ELOVL7: variants seen among roughly 807,000 people sequenced by gnomAD.
ELOVL7 encodes the protein very long chain fatty acid elongase 7.
ELOVL7 carries 27 observed loss-of-function variants against 35.7 expected under a neutral mutation model. The ratio of observed to expected loss-of-function variants is 0.76; its 90% CI spans 0.56 to 1.04. ELOVL7 has a LOEUF of 1.04. ELOVL7 is among the 50% of genes least tolerant of loss of function. The pLI is 0.00. For synonymous variants in ELOVL7, 113 were observed against 114.6 expected (o/e 0.99, Z 0.09); for missense variants, 327 against 340.8 (o/e 0.96, Z 0.32).
At chr5:60,790,934 C>A (rs1325094508) in intron 2 of ELOVL7, among the ~76,000 whole-genome samples, 1 of 151,934 alleles carries the variant, frequency 6.6e-6, no homozygotes, top group East Asian at 1.9e-4. Flanking sequence ...TCAAACTTAT[C>A]CTTTTGTTTT....
intron 3 of ELOVL7, among the ~76,000 whole-genome samples, chr5:60,786,489 T>C (rs1053555017): frequency 2.6e-5 from 4 of 152,190 alleles, no homozygotes; most frequent in Non-Finnish European, 4.4e-5. Flanking sequence ...CTTCTTGCTA[T>C]GGCATTAATG....
At chr5:60,764,541 A>T (rs1321803575) in intron 6 of ELOVL7, among the ~76,000 whole-genome samples, 1 of 152,200 alleles carries the variant, frequency 6.6e-6, no homozygotes, top group African/African-American at 2.4e-5. Flanking sequence ...ACGCCTATAC[A>T]TGGAAACACC....
chr5:60,815,146 T>C (rs1038643406), intron 1 of ELOVL7, among the ~76,000 whole-genome samples: 1 of 152,250 alleles, frequency 6.6e-6, no homozygotes, highest in Non-Finnish European at 1.5e-5. Flanking sequence ...TCGGTCCACA[T>C]TACTTTCTGT....
intron 2 of ELOVL7, among the ~76,000 whole-genome samples, chr5:60,797,843 A>C (rs1744357756): frequency 6.6e-6 from 1 of 152,220 alleles, no homozygotes; most frequent in African/African-American, 2.4e-5. Context: ...GCAGCTGGGA[A>C]CTGCTTAGGG....
chr5:60,810,935 G>A (rs1258888253), intron 1 of ELOVL7, among the ~76,000 whole-genome samples: 2 of 152,132 alleles, frequency 1.3e-5, no homozygotes, highest in East Asian at 3.9e-4. Flanking sequence ...CAGTAAGAAG[G>A]CCCAATTTTC....
At chr5:60,754,938 G>A in intron 8 of ELOVL7, 105 bp from the exon 9 acceptor site, 5 of 877,290 alleles carry the variant, frequency 5.7e-6, no homozygotes, top group Non-Finnish European at 7.0e-6. Flanking sequence ...TGCACTATTG[G>A]GCAAAGAAGT....
intron 1 of ELOVL7, among the ~76,000 whole-genome samples, chr5:60,812,573 A>C (rs1745296511): frequency 6.6e-6 from 1 of 152,234 alleles, no homozygotes; most frequent in South Asian, 2.1e-4. Flanking sequence ...GTGATTTAGC[A>C]TGGCAGGGAT....
chr5:60,781,459 G>C (rs748757010), intron 3 of ELOVL7, among the ~76,000 whole-genome samples: 18 of 151,532 alleles, frequency 1.2e-4, no homozygotes, highest in Non-Finnish European at 2.5e-4. Context: ...CTCAGGAGGG[G>C]GAAAAATCAA....
intron 1 of ELOVL7, among the ~76,000 whole-genome samples, chr5:60,832,490 C>G (rs1342970745): frequency 1.1e-4 from 17 of 152,094 alleles, no homozygotes; most frequent in Admixed American, 1.1e-3. Flanking sequence ...ATTAGCCTCC[C>G]AAGTTGCTGG....
chr5:60,842,656 G>C (rs1433060054), intron 1 of ELOVL7, among the ~76,000 whole-genome samples: 2 of 152,112 alleles, frequency 1.3e-5, no homozygotes, highest in African/African-American at 4.8e-5. Context: ...CGAACTCTAG[G>C]TGAGGCAGTG....
intron 3 of ELOVL7, among the ~76,000 whole-genome samples, chr5:60,785,641 T>G (rs544404691): frequency 6.6e-6 from 1 of 152,304 alleles, no homozygotes; most frequent in South Asian, 2.1e-4. Flanking sequence ...ATATTAGTAT[T>G]TAAATTAATA....
chr5:60,774,723 C>T (rs1467061513), intron 3 of ELOVL7, among the ~76,000 whole-genome samples: 1 of 150,490 alleles, frequency 6.6e-6, no homozygotes, highest in East Asian at 1.9e-4. Flanking sequence ...ATGATATGAT[C>T]TTCTACCTAG....
At chr5:60,790,948 T>C (rs142272951) in intron 2 of ELOVL7, among the ~76,000 whole-genome samples, 266 of 152,262 alleles carry the variant, frequency 1.7e-3, no homozygotes, top group African/African-American at 5.9e-3. Context: ...TTGTTTTAGT[T>C]TTAGGGTGGT....
chr5:60,764,911 C>A (rs997123778), intron 6 of ELOVL7, among the ~76,000 whole-genome samples: 1 of 152,074 alleles, frequency 6.6e-6, no homozygotes, highest in Non-Finnish European at 1.5e-5. Flanking sequence ...AGGTAACACT[C>A]AGAGTGAACG....
intron 1 of ELOVL7, among the ~76,000 whole-genome samples, chr5:60,837,318 G>GGGGT (rs1746871922): frequency 7.9e-6 from 1 of 126,592 alleles, no homozygotes; most frequent in African/African-American, 2.9e-5. Context: ...GGGGGGGTGG[G>GGGGT]GGGGGAGTGG....
chr5:60,784,358 G>T, intron 3 of ELOVL7: 1 of 415,850 alleles, frequency 2.4e-6, no homozygotes, highest in Non-Finnish European at 4.3e-6. Context: ...TCAAACGCAA[G>T]GAAAGCTGTA....
At chr5:60,782,052 G>C (rs1429729595) in intron 3 of ELOVL7, among the ~76,000 whole-genome samples, 1 of 152,120 alleles carries the variant, frequency 6.6e-6, no homozygotes, top group Non-Finnish European at 1.5e-5. Flanking sequence ...AGAATCCTAG[G>C]ACACGGTTTC....
chr5:60,808,345 A>G (rs920531243), intron 1 of ELOVL7, among the ~76,000 whole-genome samples: 1 of 152,242 alleles, frequency 6.6e-6, no homozygotes, highest in African/African-American at 2.4e-5. Context: ...AGACTGAGAA[A>G]ACAAGGTTGT....
chr5:60,830,836 G>A (rs1746442655), intron 1 of ELOVL7, among the ~76,000 whole-genome samples: 1 of 152,020 alleles, frequency 6.6e-6, no homozygotes, highest in Non-Finnish European at 1.5e-5. Flanking sequence ...AGCAGTACAT[G>A]ATCTGTCTTA....
Sources: gnomAD v4.1 joint callset for allele counts (sites outside exome capture counted in the v4.1 genomes callset) on GRCh38, gnomAD v4.1.1 for gene constraint, MANE v1.5 for transcripts, NCBI Gene and HGNC (gene_info 2026-07-23, HGNC 2026-07-21) for gene names.